Variants in GSE1 observed in about 807,000 individuals in gnomAD.
GSE1 encodes Gse1 coiled-coil protein, also known as genetic suppressor element 1.
Under a neutral mutation model 112.6 loss-of-function variants are expected in GSE1, and 32 were observed. The ratio of observed to expected loss-of-function variants is 0.28; its 90% CI spans 0.21 to 0.38. The LOEUF (loss-of-function observed/expected upper bound fraction) is 0.38, where lower values mean the gene tolerates loss of function less well. Among genes scored for constraint, GSE1 ranks in the 10% least tolerant of loss-of-function variants. The pLI is 1.00. For missense variants in GSE1, 2,348 were observed against 1,699.2 expected (o/e 1.38, Z -6.71); for synonymous variants, 1,115 against 735.6 (o/e 1.52, Z -8.35).
exon 1 of GSE1, chr16:85,171,048 G>C: frequency 1.0e-6 from 1 of 985,826 alleles, no homozygotes; most frequent in Non-Finnish European, 1.2e-6. Context: ...GGAGCGCCAT[G>C]CATTTCCCCT....
intron 1 of GSE1, among the ~76,000 whole-genome samples, chr16:85,579,445 T>A (rs2046359247): frequency 6.6e-6 from 1 of 152,230 alleles, no homozygotes; most frequent in Admixed American, 6.5e-5. Flanking sequence ...AGAGTAATTA[T>A]GTCTTAATGT....
intron 2 of GSE1, among the ~76,000 whole-genome samples, chr16:85,483,691 C>T (rs989652914): frequency 6.6e-5 from 10 of 152,258 alleles, no homozygotes; most frequent in African/African-American, 2.4e-4. Context: ...CTGGCAAAAG[C>T]GTTTGCTTAA....
chr16:85,598,741 C>T (rs2047341387), intron 1 of GSE1, among the ~76,000 whole-genome samples: 1 of 152,244 alleles, frequency 6.6e-6, no homozygotes, highest in Non-Finnish European at 1.5e-5. Context: ...GGAGGGCTGG[C>T]TTGGCTGCTC....
At chr16:85,625,650 G>A (rs1271251961) in intron 1 of GSE1, among the ~76,000 whole-genome samples, 1 of 152,218 alleles carries the variant, frequency 6.6e-6, no homozygotes, top group Non-Finnish European at 1.5e-5. Context: ...GCAAGAGAAG[G>A]CTGGGGAGAA....
At chr16:85,577,284 G>A (rs999636415) in intron 1 of GSE1, among the ~76,000 whole-genome samples, 1 of 152,220 alleles carries the variant, frequency 6.6e-6, no homozygotes, top group Admixed American at 6.5e-5. Context: ...CTGCCCAGTG[G>A]TGATCACCTC....
At chr16:85,648,442 T>G (rs2051063113) in intron 2 of GSE1, 110 bp from the exon 3 acceptor site, 3 of 612,606 alleles carry the variant, frequency 4.9e-6, no homozygotes, top group South Asian at 2.1e-5. Flanking sequence ...GACCTGGAGG[T>G]CTGGGGCCTC....
chr16:85,263,134 C>G (rs1034205274), intron 1 of GSE1, among the ~76,000 whole-genome samples: 1 of 152,178 alleles, frequency 6.6e-6, no homozygotes, highest in Admixed American at 6.5e-5. Flanking sequence ...AGGAAGCTCA[C>G]GCTTGGAGAG....
chr16:85,293,688 C>T (rs1329795379), intron 1 of GSE1, among the ~76,000 whole-genome samples: 1 of 152,202 alleles, frequency 6.6e-6, no homozygotes, highest in African/African-American at 2.4e-5. Flanking sequence ...TCTGTCCGGG[C>T]CTTTCTTCCA....
chr16:85,430,512 C>T (rs922268617), intron 2 of GSE1, among the ~76,000 whole-genome samples: 21 of 152,206 alleles, frequency 1.4e-4, no homozygotes, highest in African/African-American at 4.1e-4. Context: ...CTGGGAATGA[C>T]CTTGGAAAAC....
At chr16:85,397,301 A>G (rs11643710) in intron 2 of GSE1, among the ~76,000 whole-genome samples, 148,799 of 152,330 alleles carry the variant, frequency 0.98, 72,781 homozygotes, top group East Asian at 1. Context: ...ACAGCAGGGC[A>G]CTCAGGCTGC....
intron 1 of GSE1, among the ~76,000 whole-genome samples, chr16:85,353,583 C>G (rs945624813): frequency 1.3e-5 from 2 of 152,202 alleles, no homozygotes; most frequent in Non-Finnish European, 1.5e-5. Flanking sequence ...CCTGTAGTCC[C>G]AACTACCTGG....
At chr16:85,591,573 A>G (rs982764093) in intron 1 of GSE1, among the ~76,000 whole-genome samples, 18 of 152,324 alleles carry the variant, frequency 1.2e-4, no homozygotes, top group Admixed American at 1.1e-3. Context: ...GGCTGTCGGC[A>G]GTGCCCCCCG....
upstream of GSE1, among the ~76,000 whole-genome samples, chr16:85,607,698 G>A (rs2047771336): frequency 6.9e-6 from 1 of 145,882 alleles, no homozygotes; most frequent in South Asian, 2.3e-4. Context: ...CTCCCCAAGA[G>A]GGGGCAGGCA....
intron 1 of GSE1, among the ~76,000 whole-genome samples, chr16:85,346,965 G>T (rs924389220): frequency 1.3e-5 from 2 of 152,162 alleles, no homozygotes; most frequent in Non-Finnish European, 2.9e-5. Flanking sequence ...GTAGATATGA[G>T]GGTGTGACAG....
chr16:85,269,226 T>A (rs1415077930), intron 1 of GSE1, among the ~76,000 whole-genome samples: 5 of 149,452 alleles, frequency 3.3e-5, no homozygotes, highest in Non-Finnish European at 7.5e-5. Flanking sequence ...ACTCCTTTGA[T>A]TGACGGGAGG....
chr16:85,348,279 A>G (rs1169423230), intron 1 of GSE1, among the ~76,000 whole-genome samples: 2 of 150,436 alleles, frequency 1.3e-5, no homozygotes, highest in Non-Finnish European at 3.0e-5. Flanking sequence ...CCCTCCATCT[A>G]TCCATCCATC....
rs1189346536 is a variant in GSE1, at chr16:85,648,933, T to C, written c.426+182T>C. On this transcript the variant is annotated intron_variant, in intron 3 of 15. Transcript: ENST00000253458. ...GACAGCGGCACCCTCCTGGAGGCCC[T>C]GTGCGGGTGAGTACATCGGCCCACG... Among the ~76,000 whole-genome samples the C allele has an allele frequency of 2.6e-5, 4 of 151,908 alleles. No homozygotes were observed. In the East Asian group the frequency reaches 7.7e-4, roughly 29 times the overall value.
intron 1 of GSE1, among the ~76,000 whole-genome samples, chr16:85,272,082 A>C (rs1479831376): frequency 2.0e-5 from 3 of 152,102 alleles, no homozygotes; most frequent in Non-Finnish European, 4.4e-5. Flanking sequence ...ATGGCCCCAG[A>C]CCCGTATCCT....
chr16:85,674,730 G>A lies in GSE1; in HGVS notation c.*2191G>A, dbSNP rs1433096597. 6.6e-6 allele frequency: 1 copy of A among 152,270 alleles called. No homozygotes were observed. Among genetic ancestry groups the A allele is most frequent in the African/African-American group, 2.4e-5 (1 of 41,426 alleles). The allele number at this position is 152,270 out of a possible 1,614,324, so 9.4% of individuals were successfully genotyped here. A position where few individuals can be genotyped will look rare whatever the true frequency, so the allele number is the denominator to read the frequency against. ...GCACTCCCTTGGTTGGATTTTCTAT[G>A]ACAGCACAGGGGACAGGTGGCACAC... On this transcript the variant is annotated 3_prime_UTR_variant, in exon 16 of 16. Transcript: ENST00000253458.
Sources: gnomAD v4.1 joint callset for allele counts (sites outside exome capture counted in the v4.1 genomes callset) on GRCh38, gnomAD v4.1.1 for gene constraint, MANE v1.5 for transcripts, NCBI Gene and HGNC (gene_info 2026-07-23, HGNC 2026-07-21) for gene names.